Variants in CLVS1 observed in about 807,000 individuals in gnomAD.
CLVS1 encodes the protein clavesin 1, also known as clavesin-1.
CLVS1 carries 10 observed loss-of-function variants against 33.1 expected under a neutral mutation model. The observed-to-expected ratio is 0.30, with a 90% CI of 0.19 to 0.51. The LOEUF (loss-of-function observed/expected upper bound fraction) is 0.51, where lower values mean the gene tolerates loss of function less well. CLVS1 is among the 20% of genes least tolerant of loss of function. The pLI is 0.97. For synonymous variants in CLVS1, 163 were observed against 166.1 expected, an observed-to-expected ratio of 0.98 and a Z score of 0.14; for missense variants, 343 against 433.4, an observed-to-expected ratio of 0.79 and a Z score of 1.85.
chr8:61,128,287 C>A (rs373199231), intron 1 of CLVS1, among the ~76,000 whole-genome samples: 1 of 152,164 alleles, frequency 6.6e-6, no homozygotes, highest in African/African-American at 2.4e-5. Flanking sequence ...AGGGGTAAGG[C>A]CTAAATTGCT....
intron 1 of CLVS1, among the ~76,000 whole-genome samples, chr8:61,104,269 T>G (rs1464361639): frequency 6.6e-6 from 1 of 152,172 alleles, no homozygotes; most frequent in Admixed American, 6.5e-5. Flanking sequence ...AAACAAGAAA[T>G]CAGGCTAGAT....
intron 1 of CLVS1, among the ~76,000 whole-genome samples, chr8:61,093,546 T>C (rs1375660834): frequency 6.6e-6 from 1 of 152,222 alleles, no homozygotes; most frequent in Non-Finnish European, 1.5e-5. Context: ...CAAATGGGAT[T>C]CAGAGGATTA....
At chr8:61,247,846 T>C (rs1029142650) in intron 2 of CLVS1, among the ~76,000 whole-genome samples, 1 of 152,202 alleles carries the variant, frequency 6.6e-6, no homozygotes, top group African/African-American at 2.4e-5. Flanking sequence ...GTTTTTGTCA[T>C]GAAATTTTGC....
intron 2 of CLVS1, among the ~76,000 whole-genome samples, chr8:61,225,084 A>G (rs1474526665): frequency 5.3e-5 from 8 of 152,184 alleles, no homozygotes; most frequent in Non-Finnish European, 7.4e-5. Context: ...TGGGAGGCTG[A>G]GGCGGGTGGA....
At chr8:61,497,450 G>GC (rs1052627006) in intron 5 of CLVS1, among the ~76,000 whole-genome samples, 2 of 147,638 alleles carry the variant, frequency 1.4e-5, no homozygotes, top group Admixed American at 6.7e-5. Flanking sequence ...ATTGGGGGGG[G>GC]GGTGTCAGTC....
rs1554551255 is a variant in CLVS1, at chr8:61,261,992, G to GTGTGTGTGTA, written c.-151-37676_-151-37675insATGTGTGTGT. Among the ~76,000 whole-genome samples the GTGTGTGTGTA allele has an allele frequency of 4.8e-4, 62 of 128,446 alleles. 1 individual carries two copies. The South Asian group carries it at 0.013, about 28-fold the overall frequency. 84.3% of individuals were successfully genotyped at this position (128,446 alleles called of 152,430 possible). Reference sequence around the variant, plus strand: ...CATTGCTGCGTGTGTGTGTGTGTGTGTGTGTGTGTGTGTGTGTGTGTGTGT... The same window carrying GTGTGTGTGTA: ...CATTGCTGCGTGTGTGTGTGTGTGTGTGTGTGTGTATGTGTGTGTGTGTGTGTGTGTGTGT... On this transcript the variant is annotated intron_variant, in intron 2 of 2. Transcript: ENST00000522621.
intron 2 of CLVS1, among the ~76,000 whole-genome samples, chr8:61,273,407 G>T (rs1012843781): frequency 6.6e-6 from 1 of 152,114 alleles, no homozygotes; most frequent in Non-Finnish European, 1.5e-5. Context: ...TGTCAGAGAG[G>T]GACATTTAAG....
At chr8:61,115,112 CA>C (rs1805693999) in intron 1 of CLVS1, among the ~76,000 whole-genome samples, 2 of 152,162 alleles carry the variant, frequency 1.3e-5, no homozygotes, top group Non-Finnish European at 2.9e-5. Context: ...TGTTCAAGGG[CA>C]AAAATTTTAG....
intron 5 of CLVS1, among the ~76,000 whole-genome samples, chr8:61,488,208 G>C (rs953251211): frequency 3.9e-5 from 6 of 152,124 alleles, no homozygotes; most frequent in African/African-American, 1.4e-4. Flanking sequence ...CACCAAAAAC[G>C]TATGTAGTAG....
intron 2 of CLVS1, among the ~76,000 whole-genome samples, chr8:61,249,835 A>G (rs1235719702): frequency 6.6e-6 from 1 of 152,124 alleles, no homozygotes; most frequent in Non-Finnish European, 1.5e-5. Flanking sequence ...AGATGTATAC[A>G]TTGCAAAAAT....
intron 3 of CLVS1, among the ~76,000 whole-genome samples, chr8:61,435,694 T>C (rs969785528): frequency 6.6e-6 from 1 of 151,916 alleles, no homozygotes; most frequent in Non-Finnish European, 1.5e-5. Context: ...GTGTTTATCA[T>C]TTGCAATTCA....
the CLVS1 span, among the ~76,000 whole-genome samples, chr8:61,050,375 G>A: frequency 2.6e-5 from 4 of 152,154 alleles, no homozygotes; most frequent in Non-Finnish European, 5.9e-5. Flanking sequence ...CCCAATCTAC[G>A]AGGACTCTAT....
chr8:61,314,426 G>A lies in CLVS1; in HGVS notation c.455+14144G>A, dbSNP rs951192041. On this transcript the variant is annotated intron_variant, in intron 2 of 5. Coordinates refer to ENST00000325897, the MANE Select transcript of CLVS1 (RefSeq NM_173519.3). ...TCCAGAAAAATTAAATTTCCAAGTCGTTGAGGTCTACATTTTAAAGGCCAG... is the reference window on the plus strand; with the variant it reads ...TCCAGAAAAATTAAATTTCCAAGTCATTGAGGTCTACATTTTAAAGGCCAG... Among the ~76,000 whole-genome samples, 114 of 152,080 alleles carry A rather than the reference G, an allele frequency of 7.5e-4. 5 individuals are homozygous for A. Among genetic ancestry groups the A allele is most frequent in the Non-Finnish European group, 4.4e-5 (3 of 68,014 alleles).
chr8:61,436,098 G>A (rs1816320511), intron 3 of CLVS1, among the ~76,000 whole-genome samples: 1 of 152,106 alleles, frequency 6.6e-6, no homozygotes, highest in African/African-American at 2.4e-5. Flanking sequence ...AATTTAGACA[G>A]CCTACAAAAT....
At chr8:61,157,187 C>G (rs1299871744) in intron 2 of CLVS1, among the ~76,000 whole-genome samples, 3 of 152,116 alleles carry the variant, frequency 2.0e-5, no homozygotes, top group African/African-American at 7.2e-5. Flanking sequence ...CTGACCCCTG[C>G]TAAGGGTAGG....
intron 2 of CLVS1, among the ~76,000 whole-genome samples, chr8:61,249,064 A>T (rs1808879303): frequency 6.6e-6 from 1 of 152,038 alleles, no homozygotes; most frequent in Non-Finnish European, 1.5e-5. Flanking sequence ...TTCTTCCCCA[A>T]GTCCCCCACC....
intron 1 of CLVS1, among the ~76,000 whole-genome samples, chr8:61,087,666 T>C (rs1805151852): frequency 6.6e-6 from 1 of 152,194 alleles, no homozygotes; most frequent in African/African-American, 2.4e-5. Context: ...ATAAGATGAC[T>C]GTAGGAATAT....
chr8:60,972,444 T>C, the CLVS1 span, among the ~76,000 whole-genome samples: 1 of 152,154 alleles, frequency 6.6e-6, no homozygotes, highest in African/African-American at 2.4e-5. Context: ...TTAAAACTCA[T>C]GAAAAGACAC....
intron 3 of CLVS1, among the ~76,000 whole-genome samples, chr8:61,449,999 A>T (rs1293547314): frequency 1.3e-5 from 2 of 152,238 alleles, no homozygotes; most frequent in Non-Finnish European, 2.9e-5. Flanking sequence ...TTCAGTTACC[A>T]CTGTACATGC....
Sources: gnomAD v4.1 joint callset for allele counts (sites outside exome capture counted in the v4.1 genomes callset) on GRCh38, gnomAD v4.1.1 for gene constraint, MANE v1.5 for transcripts, NCBI Gene and HGNC (gene_info 2026-07-23, HGNC 2026-07-21) for gene names.